GNAT3: variants seen among roughly 807,000 people sequenced by gnomAD.
GNAT3 encodes the protein guanine nucleotide-binding protein G(t) subunit alpha-3.
Under a neutral mutation model 37.7 loss-of-function variants are expected in GNAT3, and 31 were observed. The observed-to-expected ratio is 0.82, with a 90% CI of 0.62 to 1.11. The LOEUF (loss-of-function observed/expected upper bound fraction) is 1.11, where lower values mean the gene tolerates loss of function less well. GNAT3 is among the 50% of genes most tolerant of loss of function. The pLI, the probability that GNAT3 is intolerant of heterozygous loss-of-function variation, is 0.00. For missense variants in GNAT3, 437 were observed against 412.5 expected (o/e 1.06, Z -0.51); for synonymous variants, 138 against 139.8 (o/e 0.99, Z 0.09).
At chr7:80,495,988 C>A (rs1790709590) in intron 1 of GNAT3, among the ~76,000 whole-genome samples, 1 of 152,044 alleles carries the variant, frequency 6.6e-6, no homozygotes, top group African/African-American at 2.4e-5. Context: ...AATGTTTTCT[C>A]CCATTCTTTA....
At chr7:80,506,401 AAAC>A (rs1449075135) in intron 1 of GNAT3, among the ~76,000 whole-genome samples, 2 of 152,194 alleles carry the variant, frequency 1.3e-5, no homozygotes, top group Non-Finnish European at 2.9e-5. Flanking sequence ...AATGCATCTA[AAAC>A]AATCAGTCAA....
chr7:80,460,327 G>A (rs1790028591), intron 7 of GNAT3, among the ~76,000 whole-genome samples: 1 of 152,132 alleles, frequency 6.6e-6, no homozygotes, highest in Non-Finnish European at 1.5e-5. Flanking sequence ...GGAGGGAGGA[G>A]GCATGAATGG....
chr7:80,504,322 A>C (rs1312046068), intron 1 of GNAT3, among the ~76,000 whole-genome samples: 1 of 152,012 alleles, frequency 6.6e-6, no homozygotes, highest in Non-Finnish European at 1.5e-5. Flanking sequence ...AAAAAAAAAG[A>C]GAGAGAAAAT....
At chr7:80,487,500 A>G (rs564165893) in intron 3 of GNAT3, among the ~76,000 whole-genome samples, 54 of 152,244 alleles carry the variant, frequency 3.5e-4, no homozygotes, top group South Asian at 8.3e-4. Flanking sequence ...CCCTTTCTTT[A>G]CATTAAGAGC....
At chr7:80,502,262 A>G (rs190767854) in intron 1 of GNAT3, among the ~76,000 whole-genome samples, 6 of 152,262 alleles carry the variant, frequency 3.9e-5, no homozygotes, top group African/African-American at 1.2e-4. Context: ...TTAAATATGT[A>G]TAGCTTTTGC....
chr7:80,509,993 ACT>A (rs1791033610), intron 1 of GNAT3, among the ~76,000 whole-genome samples: 1 of 152,080 alleles, frequency 6.6e-6, no homozygotes, highest in South Asian at 2.1e-4. Context: ...CATAACACCT[ACT>A]CTCTTTACAT....
At chr7:80,496,343 C>T (rs1327101240) in intron 1 of GNAT3, among the ~76,000 whole-genome samples, 2 of 152,066 alleles carry the variant, frequency 1.3e-5, no homozygotes, top group Non-Finnish European at 2.9e-5. Flanking sequence ...TTTGGTTAGG[C>T]TAGTCTCAAA....
At chr7:80,484,435 T>C (rs894757334) in intron 3 of GNAT3, among the ~76,000 whole-genome samples, 1 of 152,132 alleles carries the variant, frequency 6.6e-6, no homozygotes, top group African/African-American at 2.4e-5. Flanking sequence ...AGAACTTCAA[T>C]TGTAGAACAT....
At position 80,462,161 on chromosome 7, in the gene GNAT3, G is replaced by C; in HGVS notation, c.872C>G (p.Thr291Ser). ...VHLSICFPEY[T>S]GPNTFEDAGN... The stretch of plus-strand genomic sequence containing the variant: ...GAACTAAAAGAAAAAAATCTTACCA[G>C]TGTATTCTGGAAAGCAGATACTAAG... Residue 291 changes from threonine (T) to serine (S), a missense_variant and splice_region_variant, in exon 7 of 8, where the codon ACT becomes AGT. Coordinates refer to ENST00000398291, the MANE Select transcript of GNAT3 (RefSeq NM_001102386.3). 1 of 1,549,536 alleles carries C rather than the reference G, an allele frequency of 6.5e-7. No homozygotes were observed. The highest frequency in any genetic ancestry group is 1.2e-5 in the South Asian group (1 of 83,410).
chr7:80,475,437 C>A (rs566031769), intron 4 of GNAT3, among the ~76,000 whole-genome samples: 2 of 150,258 alleles, frequency 1.3e-5, no homozygotes, highest in East Asian at 3.9e-4. Flanking sequence ...TGATACTAAG[C>A]TTTTAGTGGC....
chr7:80,474,844 C>T (rs73369009), intron 4 of GNAT3, among the ~76,000 whole-genome samples: 8,174 of 152,070 alleles, frequency 0.054, 709 homozygotes, highest in African/African-American at 0.19. Context: ...AGATTATCCT[C>T]GAAATTCTGT....
At chr7:80,511,717 T>A in intron 1 of GNAT3, 92 bp downstream of exon 1, 1 of 725,946 alleles carries the variant, frequency 1.4e-6, no homozygotes, top group Non-Finnish European at 2.4e-6. Context: ...TCCCATATGA[T>A]AATACACTCG....
chr7:80,468,239 G>C (rs1790156144), intron 5 of GNAT3, among the ~76,000 whole-genome samples: 1 of 152,166 alleles, frequency 6.6e-6, no homozygotes, highest in South Asian at 2.1e-4. Context: ...ATGTTAAACA[G>C]TTGGCTAAAT....
intron 1 of GNAT3, among the ~76,000 whole-genome samples, chr7:80,504,939 T>C (rs1163282091): frequency 1.3e-5 from 2 of 152,138 alleles, no homozygotes; most frequent in Non-Finnish European, 2.9e-5. Context: ...AAAATAATTA[T>C]TGGCCCAGCT....
intron 3 of GNAT3, among the ~76,000 whole-genome samples, chr7:80,481,442 C>G (rs1562725387): frequency 6.6e-6 from 1 of 152,154 alleles, no homozygotes; most frequent in East Asian, 1.9e-4. Flanking sequence ...CCCGCATTAA[C>G]ATTGAAACAG....
intron 5 of GNAT3, 111 bp downstream of exon 5, chr7:80,474,140 G>A (rs1642585754): frequency 2.0e-6 from 2 of 1,010,284 alleles, no homozygotes; most frequent in Admixed American, 4.5e-5. Flanking sequence ...GAGCTAGTGA[G>A]TACATCCAAG....
At chr7:80,499,878 G>T (rs1240548143) in intron 1 of GNAT3, among the ~76,000 whole-genome samples, 1 of 152,106 alleles carries the variant, frequency 6.6e-6, no homozygotes, top group Non-Finnish European at 1.5e-5. Flanking sequence ...AACTTGGGAG[G>T]ATTAGATCAC....
intron 3 of GNAT3, among the ~76,000 whole-genome samples, chr7:80,485,433 C>A (rs944737488): frequency 1.3e-5 from 2 of 152,040 alleles, no homozygotes; most frequent in Non-Finnish European, 2.9e-5. Context: ...CTAATTAGTT[C>A]TTTTCCATCC....
At chr7:80,477,997 A>G (rs1292540816) in intron 4 of GNAT3, among the ~76,000 whole-genome samples, 4 of 151,986 alleles carry the variant, frequency 2.6e-5, no homozygotes, top group South Asian at 4.2e-4. Flanking sequence ...TGCAGCCTTG[A>G]CCTCCTGCGC....
Sources: allele counts gnomAD v4.1 joint callset (sites outside exome capture counted in the v4.1 genomes callset), GRCh38; gene constraint gnomAD v4.1.1; transcripts MANE v1.5; gene names NCBI Gene and HGNC (gene_info 2026-07-23, HGNC 2026-07-21).